Variants in SETD7 observed in about 807,000 individuals in gnomAD.
SETD7 encodes the protein SET domain containing 7, histone lysine methyltransferase.
In SETD7, 16 loss-of-function variants were observed where a neutral mutation model predicts 41.8. The observed-to-expected ratio is 0.38, with a 90% CI of 0.26 to 0.58. The LOEUF is 0.58. Ranked by LOEUF, SETD7 falls within the 20% of genes least tolerant of loss-of-function variation. The pLI is 0.64. For missense variants in SETD7, 346 were observed against 459.7 expected (o/e 0.75, Z 2.26); for synonymous variants, 163 against 169.7 (o/e 0.96, Z 0.31).
chr4:139,496,655 C>T, intron 7 of SETD7: 1 of 608,336 alleles, frequency 1.6e-6, no homozygotes. Context: ...TCTTCTCCAT[C>T]CTCTCTTTTG....
rs140244407 is a variant in SETD7 at position 139,555,493 on chromosome 4, C to T, written c.40+605G>A. Among the ~76,000 whole-genome samples the T allele has an allele frequency of 2.6e-5, 4 of 151,970 alleles. No homozygotes were observed. The highest frequency in any genetic ancestry group is 7.3e-5 in the African/African-American group (3 of 41,374). On this transcript the variant is annotated intron_variant, in intron 1 of 7. Transcript: ENST00000274031. This position sits in a 1 kb window ranked among gnomAD's most constrained non-coding sequence, Gnocchi z 4.0. ...TCCCGGACGGCGCACGTTCGAGTCCCGGGTCGGGAGACTTGTCCGTCGCCC... is the reference window on the plus strand; with the variant it reads ...TCCCGGACGGCGCACGTTCGAGTCCTGGGTCGGGAGACTTGTCCGTCGCCC...
intron 2 of SETD7, chr4:139,546,600 C>G: frequency 5.4e-6 from 2 of 370,514 alleles, no homozygotes; most frequent in Non-Finnish European, 1.0e-5. Flanking sequence ...GATGCGCTAC[C>G]GGAATGATCA....
rs573268045 is a variant in SETD7 at position 139,520,891 on chromosome 4, A to G, written c.645-497T>C. ...TATATCCAATAAGCATTTCCCAGCAAAAGGGTTCATAACAGGGGTCAGTTA... is the reference window on the plus strand; with the variant it reads ...TATATCCAATAAGCATTTCCCAGCAGAAGGGTTCATAACAGGGGTCAGTTA... On this transcript the variant is annotated intron_variant, in intron 5 of 7. Coordinates refer to ENST00000274031, the MANE Select transcript of SETD7 (RefSeq NM_030648.4). Among the ~76,000 whole-genome samples, 6 of 152,334 alleles carry G rather than the reference A, an allele frequency of 3.9e-5. No individual in the cohort carries two copies. In the South Asian group the frequency reaches 1.2e-3, roughly 32 times the overall value.
chr4:139,500,950 C>G (rs542130656), intron 7 of SETD7, among the ~76,000 whole-genome samples: 4 of 152,146 alleles, frequency 2.6e-5, no homozygotes, highest in Non-Finnish European at 5.9e-5. Context: ...CACCTCAGGT[C>G]GTGGCTCTCT....
intron 7 of SETD7, among the ~76,000 whole-genome samples, chr4:139,497,970 A>G (rs1423906865): frequency 6.6e-6 from 1 of 152,198 alleles, no homozygotes; most frequent in African/African-American, 2.4e-5. Context: ...CTGGACCATG[A>G]AGAAATTAAT....
Position 139,517,958 on chromosome 4 carries a change from G to A in SETD7, c.847C>T (p.His283Tyr). 1.9e-6 allele frequency: 3 copies of A among 1,614,068 alleles called. No individual in the cohort carries two copies. Among genetic ancestry groups the A allele is most frequent in the Non-Finnish European group, 2.5e-6 (3 of 1,179,970 alleles). Residue 283 changes from histidine to tyrosine, a missense_variant, in exon 7 of 8, where the codon CAC becomes TAC. Transcript: ENST00000274031. ...AAGGAGGCACAGTACTTGGATACGT[G>A]GTTATAGGGCTCAGGCACATCAATG... The part of the protein sequence containing the change: ...TVIDVPEPYN[H>Y]VSKYCASLGH...
intron 3 of SETD7, 134 bp downstream of exon 3, chr4:139,533,030 TA>T: frequency 1.4e-6 from 1 of 724,988 alleles, no homozygotes; most frequent in South Asian, 1.6e-5. Context: ...GCATGCCTCA[TA>T]AACTCTTGGT....
chr4:139,544,284 A>G (rs988454275), intron 2 of SETD7, among the ~76,000 whole-genome samples: 3 of 143,728 alleles, frequency 2.1e-5, no homozygotes, highest in Non-Finnish European at 4.5e-5. Flanking sequence ...CGGAGTGAGA[A>G]CCCATCTAAA....
intron 1 of SETD7, among the ~76,000 whole-genome samples, chr4:139,554,993 A>G (rs1287659016): frequency 6.6e-6 from 1 of 152,186 alleles, no homozygotes. Context: ...ATTTACTCAC[A>G]TGCTTAGTTT....
In SETD7 at chr4:139,526,233, T is replaced by TA. The variant is rs565576514; in HGVS notation, c.562+2797dup. 4.2e-3 allele frequency among the ~76,000 whole-genome samples: 638 copies of TA among 151,712 alleles called. 2 individuals carry two copies. Among genetic ancestry groups the TA allele is most frequent in the African/African-American group, 0.014 (577 of 41,338 alleles). ...ACCCAGCTAAAGCAACCAGAAATTC[T>TA]AAAAAAATAATAATTCCCTTTAGAA... On this transcript the variant is annotated intron_variant, in intron 4 of 7. Transcript: ENST00000274031.
At chr4:139,511,986 C>T in intron 7 of SETD7, 143 bp from the exon 8 acceptor site, 1 of 1,409,512 alleles carries the variant, frequency 7.1e-7, no homozygotes, top group South Asian at 1.6e-5. Flanking sequence ...GGTCACCCAG[C>T]ATCAGTTTCA....
At chr4:139,503,355 G>T (rs765479610), downstream of SETD7, among the ~76,000 whole-genome samples, 1 of 151,844 alleles carries the variant, frequency 6.6e-6, no homozygotes, top group African/African-American at 2.4e-5. Context: ...GGAGAGAAGG[G>T]CAGGAGAGAG....
chr4:139,518,061 C>T lies in SETD7; in HGVS notation c.763-19G>A, dbSNP rs777570866. On this transcript the variant is annotated intron_variant, in intron 6 of 7. Transcript: ENST00000274031. ...TGTCAACCTGCAGAAAACAAGAAAG[C>T]GAGCCTTAGAGAGGACCTTTCTCCC... 54 of 1,607,224 alleles carry T rather than the reference C, an allele frequency of 3.4e-5. No homozygotes were observed. Among genetic ancestry groups the T allele is most frequent in the Middle Eastern group, 3.3e-4 (2 of 6,058 alleles).
chr4:139,520,445 TC>T, intron 5 of SETD7, 51 bp from the exon 6 acceptor site: 2 of 1,072,976 alleles, frequency 1.9e-6, no homozygotes, highest in Non-Finnish European at 2.8e-6. Flanking sequence ...AATATGTCAT[TC>T]CTTACATCAA....
At chr4:139,525,912 A>G (rs1333172011) in intron 4 of SETD7, among the ~76,000 whole-genome samples, 1 of 152,230 alleles carries the variant, frequency 6.6e-6, no homozygotes, top group Non-Finnish European at 1.5e-5. Flanking sequence ...TTTGAGGCTC[A>G]AACTATTCAA....
chr4:139,511,464 T>C lies in SETD7; in HGVS notation c.*199A>G. ...GACAATACCTCTCAGTAGGACGTTG[T>C]TGCAAGGCTAGCTAATTTTAAATCT... On this transcript the variant is annotated 3_prime_UTR_variant, in exon 8 of 8. Transcript: ENST00000274031. 1 of 880,752 alleles carries C rather than the reference T, an allele frequency of 1.1e-6. No individual in the cohort carries two copies. Among genetic ancestry groups the C allele is most frequent in the Admixed American group, 3.2e-5 (1 of 31,620 alleles). The allele number at this position is 880,752 out of a possible 1,614,324, so 54.6% of individuals were successfully genotyped here. A position where few individuals can be genotyped will look rare whatever the true frequency, so the allele number is the denominator to read the frequency against.
intron 2 of SETD7, among the ~76,000 whole-genome samples, chr4:139,541,783 T>G (rs1159154798): frequency 1.3e-5 from 2 of 152,254 alleles, no homozygotes; most frequent in African/African-American, 4.8e-5. Context: ...TTTTGTCATA[T>G]AATGAAGAAA....
At chr4:139,522,482 C>A (rs553782339) in intron 5 of SETD7, among the ~76,000 whole-genome samples, 2 of 152,302 alleles carry the variant, frequency 1.3e-5, no homozygotes, top group Non-Finnish European at 2.9e-5. Context: ...AGAAACTTGT[C>A]ATTTATAAGC....
intron 7 of SETD7, among the ~76,000 whole-genome samples, chr4:139,500,338 C>T (rs1726545265): frequency 6.6e-6 from 1 of 152,186 alleles, no homozygotes; most frequent in African/African-American, 2.4e-5. Flanking sequence ...TACTCCCACT[C>T]CAGCCTATTC....
Sources: gnomAD v4.1 joint callset for allele counts (sites outside exome capture counted in the v4.1 genomes callset) on GRCh38, gnomAD v4.1.1 for gene constraint, Gnocchi (gnomAD v3.1) non-coding constraint, MANE v1.5 for transcripts, NCBI Gene and HGNC (gene_info 2026-07-23, HGNC 2026-07-21) for gene names.